RNPC3: variants seen among roughly 807,000 people sequenced by gnomAD.
The protein encoded by RNPC3 is RNA-binding region-containing protein 3.
A neutral mutation model predicts 67.5 loss-of-function variants in RNPC3; 48 were observed. That is an observed-to-expected ratio of 0.71 (90% confidence interval 0.56 to 0.90). RNPC3 has a LOEUF of 0.90. RNPC3 is among the 40% of genes least tolerant of loss of function. The probability of loss-of-function intolerance (pLI) is 0.00; values close to 1 mark genes in which losing one functional copy is unlikely to be tolerated. For missense variants in RNPC3, 637 were observed against 626.1 expected (o/e 1.02, Z -0.19); for synonymous variants, 239 against 210.3 (o/e 1.14, Z -1.18).
At chr1:103,527,646 A>G in intron 1 of RNPC3, 49 bp from the exon 2 acceptor site, 1 of 1,400,504 alleles carries the variant, frequency 7.1e-7, no homozygotes, top group Non-Finnish European at 9.9e-7. Context: ...TTTCTTTGTG[A>G]GAAACTGAAA....
At chr1:103,534,742 G>T in intron 3 of RNPC3, 32 bp from the exon 4 acceptor site, 1 of 1,291,132 alleles carries the variant, frequency 7.7e-7, no homozygotes, top group Non-Finnish European at 1.1e-6. Flanking sequence ...CCTTTGGAAA[G>T]ATAAGATTAA....
chr1:103,544,164 A>G (rs1364846814), intron 9 of RNPC3, among the ~76,000 whole-genome samples: 2 of 151,430 alleles, frequency 1.3e-5, no homozygotes, highest in Non-Finnish European at 3.0e-5. Flanking sequence ...ATATACATAC[A>G]TGTGTGTGTG....
At position 103,551,079 on chromosome 1, in the gene RNPC3, CTTTAAATCCATCT is replaced by C; in HGVS notation, c.1494+7_1494+19del. ...TTGGAAAACCCATGGTGGTTGTATCCTTTAAATCCATCTATTTCAAAACTATATAATTTTTAGA... is the reference window on the plus strand; with the variant it reads ...TTGGAAAACCCATGGTGGTTGTATCCATTTCAAAACTATATAATTTTTAGA... On this transcript the variant is annotated splice_region_variant and intron_variant, in intron 13 of 14. Transcript: ENST00000423855. 1 of 1,595,590 alleles carries C rather than the reference CTTTAAATCCATCT, an allele frequency of 6.3e-7. No individual in the cohort carries two copies. The highest frequency in any genetic ancestry group is 8.5e-7 in the Non-Finnish European group (1 of 1,171,566).
intron 6 of RNPC3, among the ~76,000 whole-genome samples, 162 bp from the exon 7 acceptor site, chr1:103,537,180 C>T (rs1287237463): frequency 6.6e-6 from 1 of 151,118 alleles, no homozygotes; most frequent in Non-Finnish European, 1.5e-5. Context: ...ATTTTGTCAT[C>T]AGCTAGTGAT....
intron 8 of RNPC3, 34 bp downstream of exon 8, chr1:103,541,509 C>T (rs938307672): frequency 6.8e-7 from 1 of 1,462,784 alleles, no homozygotes; most frequent in Non-Finnish European, 9.0e-7. Flanking sequence ...TGAGGGTTGT[C>T]TGTATGTACT....
At chr1:103,533,997 T>C in intron 3 of RNPC3, 140 bp downstream of exon 3, 1 of 608,760 alleles carries the variant, frequency 1.6e-6, no homozygotes, top group Non-Finnish European at 2.9e-6. Flanking sequence ...TTAAACCTAG[T>C]ACAGTAAAAC....
intron 3 of RNPC3, 107 bp from the exon 4 acceptor site, chr1:103,534,667 T>A (rs1436508933): frequency 3.2e-6 from 2 of 617,322 alleles, no homozygotes; most frequent in Non-Finnish European, 5.4e-6. Context: ...TTTTTTTTAA[T>A]GAAGCTGTTT....
At chr1:103,536,389 G>A (rs2101045602) in intron 6 of RNPC3, among the ~76,000 whole-genome samples, 195 bp downstream of exon 6, 2 of 152,224 alleles carry the variant, frequency 1.3e-5, no homozygotes, top group East Asian at 1.9e-4. Context: ...AAATGCTTTT[G>A]TCAATAAAGG....
chr1:103,529,029 A>G (rs1650778619), intron 2 of RNPC3, among the ~76,000 whole-genome samples: 1 of 152,202 alleles, frequency 6.6e-6, no homozygotes, highest in South Asian at 2.1e-4. Context: ...GTCAAATGGT[A>G]TGTGTTAATA....
chr1:103,551,101 A>C (rs138098494), intron 13 of RNPC3, 28 bp downstream of exon 13: 7 of 1,540,868 alleles, frequency 4.5e-6, no homozygotes, highest in Non-Finnish European at 6.1e-6. Context: ...CTATTTCAAA[A>C]CTATATAATT....
intron 2 of RNPC3, among the ~76,000 whole-genome samples, chr1:103,532,315 T>A (rs1455318334): frequency 6.6e-6 from 1 of 152,142 alleles, no homozygotes; most frequent in South Asian, 2.1e-4. Context: ...TACAAGATTT[T>A]TGACCTGAAT....
Position 103,535,447 on chromosome 1 carries a change from T to C in RNPC3, c.555+6T>C, listed in dbSNP as rs1206580924. ...TGCCTAAGTTCTATGTACAGGTAAG[T>C]AGAATAAAACTTTTCCTAAAAGGAC... is the stretch of plus-strand genomic sequence containing the variant. On this transcript the variant is annotated splice_donor_region_variant and intron_variant, in intron 5 of 14. Coordinates refer to ENST00000423855, the MANE Select transcript of RNPC3 (RefSeq NM_017619.4). 4 of 1,508,164 alleles carry C rather than the reference T, an allele frequency of 2.7e-6. No homozygotes were observed. Among genetic ancestry groups the C allele is most frequent in the Non-Finnish European group, 8.9e-7 (1 of 1,122,734 alleles). The allele number at this position is 1,508,164 out of a possible 1,614,324, so 93.4% of individuals were successfully genotyped here.
chr1:103,534,829 G>A lies in RNPC3; in HGVS notation c.415G>A (p.Val139Ile), dbSNP rs1209403898. Residue 139 changes from valine (V) to isoleucine (I), a missense_variant, in exon 4 of 15, where the codon GTA (valine) becomes ATA (isoleucine). Coordinates refer to ENST00000423855, the MANE Select transcript of RNPC3 (RefSeq NM_017619.4). ...KEKKELGYLT[V>I]ENGIAPNHGL... ...AAAAAAAGAACTTGGTTATTTAACAGTAGAAAATGGAATTGCACCAAACCA... is the reference window on the plus strand; with the variant it reads ...AAAAAAAGAACTTGGTTATTTAACAATAGAAAATGGAATTGCACCAAACCA... 1.3e-6 allele frequency: 2 copies of A among 1,532,490 alleles called. No individual in the cohort carries two copies. Among genetic ancestry groups the A allele is most frequent in the South Asian group, 2.4e-5 (2 of 83,534 alleles). The allele number at this position is 1,532,490 out of a possible 1,614,324, so 94.9% of individuals were successfully genotyped here.
intron 10 of RNPC3, chr1:103,545,960 T>TTA (rs901903310): frequency 2.5e-5 from 4 of 159,862 alleles, no homozygotes; most frequent in Non-Finnish European, 5.4e-5. Flanking sequence ...AAAACAAAAG[T>TTA]TATATATATA....
chr1:103,546,253 G>T lies in RNPC3; in HGVS notation c.1213G>T (p.Glu405Ter). Residue 405 changes from glutamate (E) to a stop codon, truncating the protein, a stop_gained, in exon 11 of 15, where the codon GAA (glutamate) becomes TAA (stop). Coordinates refer to ENST00000423855, the MANE Select transcript of RNPC3 (RefSeq NM_017619.4). LOFTEE classifies it high-confidence loss of function. ...EKGRISREEMETLSVFRSYEP... is the reference protein window; with the variant it reads ...EKGRISREEM ...GTTTTTTGTTTTTTAATAAGAAATG[G>T]AAACACTTTCAGTTTTCAGAAGTTA... 1 of 1,367,290 alleles carries T rather than the reference G, an allele frequency of 7.3e-7. No individual in the cohort carries two copies. The highest frequency in any genetic ancestry group is 9.5e-7 in the Non-Finnish European group (1 of 1,050,696). The allele number at this position is 1,367,290 out of a possible 1,614,324, so 84.7% of individuals were successfully genotyped here.
intron 10 of RNPC3, 114 bp downstream of exon 10, chr1:103,545,216 C>A: frequency 1.3e-6 from 1 of 771,872 alleles, no homozygotes; most frequent in Non-Finnish European, 2.0e-6. Context: ...TACTTTAAAA[C>A]ATCTCTCCAA....
Position 103,535,437 on chromosome 1 carries a change from T to A in RNPC3, c.551T>A (p.Val184Glu). 1 of 1,522,858 alleles carries A rather than the reference T, an allele frequency of 6.6e-7. No homozygotes were observed. Among genetic ancestry groups the A allele is most frequent in the Non-Finnish European group, 8.8e-7 (1 of 1,134,446 alleles). 94.3% of individuals were successfully genotyped at this position (1,522,858 alleles called of 1,614,324 possible). A position where few individuals can be genotyped will look rare whatever the true frequency, so the allele number is the denominator to read the frequency against. The change falls in exon 5 of 15, where the codon GTA (valine) becomes GAA (glutamate). Residue 184 changes from valine to glutamate, a missense_variant. Val to Glu is a moderately radical substitution (Grantham distance 121, BLOSUM62 -2). Transcript: ENST00000423855. ...NALASVPKFY[V>E]QVLHLMNKMN... ...TTGGCAAGCGTGCCTAAGTTCTATGTACAGGTAAGTAGAATAAAACTTTTC... is the reference window on the plus strand; with the variant it reads ...TTGGCAAGCGTGCCTAAGTTCTATGAACAGGTAAGTAGAATAAAACTTTTC...
intron 10 of RNPC3, 167 bp downstream of exon 10, chr1:103,545,269 T>C (rs543086245): frequency 9.3e-6 from 5 of 539,492 alleles, no homozygotes; most frequent in Admixed American, 3.9e-5. Context: ...TAAATACTCA[T>C]ACTTTATAGT....
Position 103,535,350 on chromosome 1 carries a change from CATGCCTCAAGTAT to C in RNPC3, c.468_480del (p.Leu157ThrfsTer9). 6.5e-7 allele frequency: 1 copy of C among 1,533,936 alleles called. No individual in the cohort carries two copies. ...TATAGGCTGACTTTTCCTTTAAATT[CATGCCTCAAGTAT>C]ATGTACCCACCACCTTCCAGCACAA... On this transcript the variant is annotated frameshift_variant, in exon 5 of 15. Transcript: ENST00000423855. LOFTEE classifies it high-confidence loss of function.
Sources: gnomAD v4.1 joint callset for allele counts (sites outside exome capture counted in the v4.1 genomes callset) on GRCh38, gnomAD v4.1.1 for gene constraint, MANE v1.5 for transcripts, NCBI Gene and HGNC (gene_info 2026-07-23, HGNC 2026-07-21) for gene names.